AUNIP: variants seen among roughly 807,000 people sequenced by gnomAD.
AUNIP encodes the protein aurora kinase A and ninein interacting protein.
AUNIP carries 16 observed loss-of-function variants against 12.2 expected under a neutral mutation model. That is an observed-to-expected ratio of 1.31 (90% CI 0.88 to 1.99). AUNIP has a LOEUF of 1.99. Ranked by LOEUF, AUNIP falls within the 30% of genes most tolerant of loss-of-function variation. AUNIP has a pLI of 0.00. For synonymous variants in AUNIP, 142 were observed against 154.8 expected (o/e 0.92, Z 0.61); for missense variants, 411 against 419.1 (o/e 0.98, Z 0.17).
At chr1:25,832,952 TC>T (rs2124490140), downstream of AUNIP, 1 of 152,376 alleles carries the variant, frequency 6.6e-6, no homozygotes, top group Admixed American at 6.5e-5. Flanking sequence ...ATTTGCTGTG[TC>T]CATCTCTTGA....
In AUNIP at chr1:25,859,372, C is replaced by T; in HGVS notation, c.-15G>A. The T allele has an allele frequency of 4.0e-6, 6 of 1,507,960 alleles. No homozygotes were observed. The South Asian group carries it at 7.5e-5, about 19-fold the overall frequency. The allele number at this position is 1,507,960 out of a possible 1,614,324, so 93.4% of individuals were successfully genotyped here. On this transcript the variant is annotated 5_prime_UTR_variant, in exon 1 of 3. Coordinates refer to ENST00000374298, the MANE Select transcript of AUNIP (RefSeq NM_024037.3). ...GTCCGCCTCATGGCCGCTGAGGAGA[C>T]GAAGCCGGCAGGACGCCGGCGCAGG...
chr1:25,853,471 C>T (rs940886685), intron 1 of AUNIP, among the ~76,000 whole-genome samples: 23 of 152,072 alleles, frequency 1.5e-4, no homozygotes, highest in Admixed American at 3.9e-4. Context: ...GTGGTGGGCG[C>T]CTGTAATTCC....
chr1:25,834,039 TACAAAGG>T lies in AUNIP; in HGVS notation c.*947_*953del. Reference sequence around the variant, plus strand: ...AAACATTTATTTGGATTCATAGTTTTACAAAGGGGATTCCCTCCTATCTTGTGGGAAA... The same window carrying T: ...AAACATTTATTTGGATTCATAGTTTTGGATTCCCTCCTATCTTGTGGGAAA... On this transcript the variant is annotated 3_prime_UTR_variant, in exon 3 of 3. Transcript: ENST00000374298. 1 of 985,270 alleles carries T rather than the reference TACAAAGG, an allele frequency of 1.0e-6. No individual in the cohort carries two copies. Among genetic ancestry groups the T allele is most frequent in the South Asian group, 4.7e-5 (1 of 21,278 alleles). 61.0% of individuals were successfully genotyped at this position (985,270 alleles called of 1,614,324 possible).
rs1322103066 is a variant in AUNIP, at chr1:25,835,794, C to G, written c.273G>C (p.Gln91His). ...QKSVSSHTES[Q>H]INKESKKNAT... ...CATTTTTCTTGGACTCTTTGTTGAT[C>G]TGACTTTCTGTATGAGATGAAACAC... is the stretch of plus-strand genomic sequence containing the variant. The change falls in exon 3 of 3, where the codon CAG (glutamine) becomes CAC (histidine). Residue 91 changes from glutamine (Q) to histidine (H), a missense_variant. By Grantham distance (24) the Gln-to-His change is conservative (BLOSUM62 0). Coordinates refer to ENST00000374298, the MANE Select transcript of AUNIP (RefSeq NM_024037.3). 4 of 1,614,208 alleles carry G rather than the reference C, an allele frequency of 2.5e-6. No homozygotes were observed. Among genetic ancestry groups the G allele is most frequent in the Non-Finnish European group, 3.4e-6 (4 of 1,180,032 alleles).
At position 25,859,407 on chromosome 1, in the gene AUNIP, C is replaced by A; in HGVS notation, c.-50G>T. The A allele has an allele frequency of 6.9e-7, 1 of 1,456,126 alleles. No individual in the cohort carries two copies. The highest frequency in any genetic ancestry group is 9.0e-7 in the Non-Finnish European group (1 of 1,109,364). 90.2% of individuals were successfully genotyped at this position (1,456,126 alleles called of 1,614,324 possible). On this transcript the variant is annotated 5_prime_UTR_variant, in exon 1 of 3. Transcript: ENST00000374298. ...AGGACGCCGGCGCAGGCTCCCGGCG[C>A]CTCAGGGAACGCCAGAACCGCGGCC...
At chr1:25,848,483 CAAAAA>C (rs761716480) in intron 1 of AUNIP, among the ~76,000 whole-genome samples, 1 of 62,472 alleles carries the variant, frequency 1.6e-5, no homozygotes, top group African/African-American at 5.6e-5. Context: ...AACTCCGTCT[CAAAAA>C]AAAAAAAAAA....
At chr1:25,851,284 G>C (rs564192470) in intron 1 of AUNIP, among the ~76,000 whole-genome samples, 35 of 152,094 alleles carry the variant, frequency 2.3e-4, no homozygotes, top group Non-Finnish European at 4.7e-4. Context: ...ATTTTGTTGA[G>C]TATTTTTGTA....
downstream of AUNIP, chr1:25,832,473 G>A (rs1194085342): frequency 9.0e-6 from 3 of 334,078 alleles, no homozygotes; most frequent in Non-Finnish European, 1.7e-5. Context: ...TTGTATACAT[G>A]TTCACAGGGC....
rs377383509 is a variant in AUNIP at position 25,837,688 on chromosome 1, G to C, written c.79-134C>G. 26 of 873,152 alleles carry C rather than the reference G, an allele frequency of 3.0e-5. 1 individual carries two copies. In the South Asian group the frequency reaches 6.5e-4, roughly 22 times the overall value. The allele number at this position is 873,152 out of a possible 1,614,324, so 54.1% of individuals were successfully genotyped here. A position where few individuals can be genotyped will look rare whatever the true frequency, so the allele number is the denominator to read the frequency against. On this transcript the variant is annotated intron_variant, in intron 1 of 2. Transcript: ENST00000374298. The stretch of plus-strand genomic sequence containing the variant: ...ACTCCACTTATAGCCTATTCTCAAG[G>C]TAGTTGGTGCTGGACATCATCTTCC...
At position 25,859,438 on chromosome 1, in the gene AUNIP, C is replaced by A. The variant is rs925687172; in HGVS notation, c.-81G>T. On this transcript the variant is annotated 5_prime_UTR_variant, in exon 1 of 3. Transcript: ENST00000374298. ...GGAACGCCAGAACCGCGGCCGCCGA[C>A]GTTCGGATCTCGCGCCAACGCTGGG... The A allele has an allele frequency of 1.0e-5, 13 of 1,300,456 alleles. No homozygotes were observed. Among genetic ancestry groups the A allele is most frequent in the Non-Finnish European group, 1.3e-5 (13 of 993,550 alleles). 80.6% of individuals were successfully genotyped at this position (1,300,456 alleles called of 1,614,324 possible).
intron 1 of AUNIP, among the ~76,000 whole-genome samples, chr1:25,837,756 T>G (rs1469845077): frequency 1.3e-5 from 2 of 152,176 alleles, no homozygotes; most frequent in African/African-American, 4.8e-5. Context: ...GAATCACATA[T>G]TCCAATGATA....
intron 1 of AUNIP, among the ~76,000 whole-genome samples, chr1:25,840,346 T>A (rs2048340217): frequency 6.7e-6 from 1 of 150,228 alleles, no homozygotes; most frequent in African/African-American, 2.4e-5. Flanking sequence ...GAGAAAAAAA[T>A]AACTGAAAAG....
intron 1 of AUNIP, among the ~76,000 whole-genome samples, chr1:25,848,457 G>A (rs528874274): frequency 2.5e-5 from 3 of 119,670 alleles, no homozygotes; most frequent in South Asian, 4.7e-4. Context: ...ACTCCAGCCC[G>A]GGCAAAAATT....
intron 1 of AUNIP, among the ~76,000 whole-genome samples, chr1:25,840,849 C>T (rs2048342894): frequency 6.6e-6 from 1 of 152,036 alleles, no homozygotes; most frequent in African/African-American, 2.4e-5. Context: ...AGTATGCCAA[C>T]AAATATTTGA....
chr1:25,845,272 G>A lies in AUNIP; in HGVS notation c.79-7718C>T, dbSNP rs111988299. ...AATCTCAAAGTACAGCTGTGATCAC[G>A]TCATCTTGCTCAAAATCTGTCAACA... On this transcript the variant is annotated intron_variant, in intron 1 of 2. Transcript: ENST00000374298. Among the ~76,000 whole-genome samples, 720 of 152,232 alleles carry A rather than the reference G, an allele frequency of 4.7e-3. 3 individuals carry two copies. Among genetic ancestry groups the A allele is most frequent in the African/African-American group, 7.5e-3 (310 of 41,536 alleles).
Position 25,835,625 on chromosome 1 carries a change from G to A in AUNIP, c.442C>T (p.Pro148Ser). 6.2e-7 allele frequency: 1 copy of A among 1,614,234 alleles called. No homozygotes were observed. Among genetic ancestry groups the A allele is most frequent in the Non-Finnish European group, 8.5e-7 (1 of 1,180,042 alleles). Residue 148 changes from proline (P) to serine (S), a missense_variant, in exon 3 of 3, where the codon CCA (proline) becomes TCA (serine). Physicochemically the swap from Pro to Ser is moderately conservative, Grantham distance 74 (BLOSUM62 -1). Coordinates refer to ENST00000374298, the MANE Select transcript of AUNIP (RefSeq NM_024037.3). ...QTSGHHRMKT[P>S]FSTELSLLQP... ...AGCAAAGATAGCTCAGTTGAAAATGGGGTTTTCATTCTGTGGTGGCCAGAA... is the reference window on the plus strand; with the variant it reads ...AGCAAAGATAGCTCAGTTGAAAATGAGGTTTTCATTCTGTGGTGGCCAGAA...
chr1:25,843,183 A>ATATATATATATATATATAT (rs1188949749), intron 1 of AUNIP, among the ~76,000 whole-genome samples: 2 of 114,222 alleles, frequency 1.8e-5, no homozygotes, highest in Admixed American at 1.7e-4. Context: ...AAAAAAAAAA[A>ATATATATATATATATATAT]AAATATATAT....
intron 1 of AUNIP, among the ~76,000 whole-genome samples, chr1:25,855,056 A>G (rs928588705): frequency 2.0e-5 from 3 of 147,762 alleles, no homozygotes; most frequent in Admixed American, 1.4e-4. Context: ...TTCTGGCTTC[A>G]AGCAATTCTC....
intron 2 of AUNIP, 151 bp downstream of exon 2, chr1:25,837,262 C>T: frequency 1.0e-6 from 1 of 954,800 alleles, no homozygotes; most frequent in Non-Finnish European, 1.5e-6. Flanking sequence ...TTTCAAAAGG[C>T]AACAACTTAT....
Sources: allele counts gnomAD v4.1 joint callset (sites outside exome capture counted in the v4.1 genomes callset), GRCh38; gene constraint gnomAD v4.1.1; transcripts MANE v1.5; gene names NCBI Gene and HGNC (gene_info 2026-07-23, HGNC 2026-07-21).